HAUS6: variants seen among roughly 807,000 people sequenced by gnomAD.
The protein encoded by HAUS6 is HAUS augmin like complex subunit 6.
HAUS6 carries 80 observed loss-of-function variants against 106.8 expected under a neutral mutation model. The observed-to-expected ratio is 0.75, with a 90% CI of 0.63 to 0.90. The LOEUF is 0.90. HAUS6 is among the 40% of genes least tolerant of loss of function. The probability of loss-of-function intolerance (pLI) is 0.00; values close to 1 mark genes in which losing one functional copy is unlikely to be tolerated. For synonymous variants in HAUS6, 356 were observed against 379.1 expected, an observed-to-expected ratio of 0.94 and a Z score of 0.71; for missense variants, 1,155 against 1,118.1, an observed-to-expected ratio of 1.03 and a Z score of -0.47.
Position 19,058,707 on chromosome 9 carries a change from A to C in HAUS6, c.2060T>G (p.Leu687Ter). Reference protein sequence around the residue: ...EPPTQNQSDLLNKKVICKQDL... With the variant: ...EPPTQNQSDL ...TTGCTTGCAAATTACTTTCTTATTT[A>C]ACAAATCTGACTGATTTTGTGTTGG... The change falls in exon 16 of 17, where the codon TTA (leucine) becomes TGA (stop). Residue 687 changes from leucine to a stop codon, truncating the protein, a stop_gained. Transcript: ENST00000380502. LOFTEE classifies it high-confidence loss of function. 1 of 1,613,882 alleles carries C rather than the reference A, an allele frequency of 6.2e-7. No individual in the cohort carries two copies. The highest frequency in any genetic ancestry group is 8.5e-7 in the Non-Finnish European group (1 of 1,179,838).
intron 4 of HAUS6, among the ~76,000 whole-genome samples, 190 bp downstream of exon 4, chr9:19,092,981 T>C (rs923341981): frequency 6.7e-6 from 1 of 149,570 alleles, no homozygotes; most frequent in Non-Finnish European, 1.5e-5. Context: ...ATAATATAAA[T>C]AGTAACTGTG....
chr9:19,102,393 G>C, intron 1 of HAUS6, 131 bp downstream of exon 1: 2 of 1,003,434 alleles, frequency 2.0e-6, no homozygotes, highest in Non-Finnish European at 2.9e-6. Flanking sequence ...AGGAACTTTG[G>C]AGCCAATGCC....
chr9:19,083,695 G>A (rs35553284), intron 7 of HAUS6, among the ~76,000 whole-genome samples: 12,111 of 151,228 alleles, frequency 0.08, 531 homozygotes, highest in East Asian at 0.1. Flanking sequence ...CCAGCTACTC[G>A]GGAGGCTGAG....
At chr9:19,075,892 G>C (rs1405004573) in intron 11 of HAUS6, among the ~76,000 whole-genome samples, 3 of 151,628 alleles carry the variant, frequency 2.0e-5, no homozygotes, top group African/African-American at 7.3e-5. Flanking sequence ...ACCCAAGGTA[G>C]AGGTTGCAGT....
chr9:19,096,118 A>C lies in HAUS6; in HGVS notation c.224+556T>G, dbSNP rs541865624. 2.0e-4 allele frequency among the ~76,000 whole-genome samples: 31 copies of C among 152,334 alleles called. No homozygotes were observed. In the South Asian group the frequency reaches 6.0e-3, roughly 29 times the overall value. ...TAAATAAAATGTTAAGAAATCTATAAAAACTATATTACTTATAAAATACAC... is the reference window on the plus strand; with the variant it reads ...TAAATAAAATGTTAAGAAATCTATACAAACTATATTACTTATAAAATACAC... On this transcript the variant is annotated intron_variant, in intron 2 of 16. Coordinates refer to ENST00000380502, the MANE Select transcript of HAUS6 (RefSeq NM_017645.5).
chr9:19,070,282 T>A lies in HAUS6; in HGVS notation c.1313A>T (p.Asn438Ile), dbSNP rs1261246743. 6.3e-7 allele frequency: 1 copy of A among 1,581,334 alleles called. No individual in the cohort carries two copies. Among genetic ancestry groups the A allele is most frequent in the Non-Finnish European group, 8.7e-7 (1 of 1,150,544 alleles). ...ASLPDAHKQH[N>I]QENGCRGDSD... is the part of the protein sequence containing the mutation. The stretch of plus-strand genomic sequence containing the variant: ...GTCTCCTCTGCAACCATTTTCTTGG[T>A]TATGTTGCTTATGTGCATCTAAAGA... The change falls in exon 12 of 17, where the codon AAC becomes ATC. Residue 438 changes from asparagine to isoleucine, a missense_variant. Coordinates refer to ENST00000380502, the MANE Select transcript of HAUS6 (RefSeq NM_017645.5).
chr9:19,079,426 TC>T (rs1837088271), intron 9 of HAUS6, among the ~76,000 whole-genome samples: 2 of 151,500 alleles, frequency 1.3e-5, no homozygotes, highest in Non-Finnish European at 2.9e-5. Flanking sequence ...GGACGCAGTT[TC>T]CCCATATTGG....
chr9:19,087,183 C>T (rs1254255604), intron 5 of HAUS6, 27 bp from the exon 6 acceptor site: 7 of 1,228,280 alleles, frequency 5.7e-6, no homozygotes, highest in Non-Finnish European at 8.4e-6. Context: ...AAAATGACAA[C>T]TATAATACCA....
At chr9:19,068,334 G>C (rs903614908) in intron 12 of HAUS6, among the ~76,000 whole-genome samples, 2 of 151,580 alleles carry the variant, frequency 1.3e-5, no homozygotes, top group South Asian at 2.1e-4. Context: ...CTAAAATATG[G>C]TTCTTCCACA....
At chr9:19,094,090 A>G (rs1280200291) in intron 3 of HAUS6, among the ~76,000 whole-genome samples, 1 of 152,246 alleles carries the variant, frequency 6.6e-6, no homozygotes, top group Non-Finnish European at 1.5e-5. Flanking sequence ...ATAAACGCTC[A>G]GGAACTCTAA....
chr9:19,084,635 C>CTTT (rs113235811), intron 7 of HAUS6, among the ~76,000 whole-genome samples: 1 of 138,834 alleles, frequency 7.2e-6, no homozygotes, highest in Non-Finnish European at 1.6e-5. Flanking sequence ...TTTCTTTTTT[C>CTTT]TTTTTTTTTT....
At chr9:19,063,778 A>C (rs1836691210) in intron 12 of HAUS6, 198 bp from the exon 13 acceptor site, 2 of 737,958 alleles carry the variant, frequency 2.7e-6, no homozygotes, top group African/African-American at 1.7e-5. Flanking sequence ...TTTGTGTATC[A>C]GCCTCCCAAT....
intron 3 of HAUS6, 152 bp downstream of exon 3, chr9:19,094,165 A>C: frequency 2.0e-6 from 1 of 510,300 alleles, no homozygotes; most frequent in Non-Finnish European, 3.5e-6. Context: ...ATCCCAACCA[A>C]AAACCATCAA....
intron 8 of HAUS6, among the ~76,000 whole-genome samples, chr9:19,082,215 C>T (rs1837166201): frequency 6.6e-6 from 1 of 152,082 alleles, no homozygotes; most frequent in African/African-American, 2.4e-5. Context: ...CAAGATAAAA[C>T]ACAAACCAGG....
Position 19,094,260 on chromosome 9 carries a change from G to C in HAUS6, c.303+57C>G, listed in dbSNP as rs1213453431. ...GATTTCACCTCTAAAAAGTTAAAGA[G>C]TTAAAGTAGTTTTTAACTTCTTAAA... On this transcript the variant is annotated intron_variant, in intron 3 of 16. Coordinates refer to ENST00000380502, the MANE Select transcript of HAUS6 (RefSeq NM_017645.5). 6.0e-6 allele frequency: 6 copies of C among 993,674 alleles called. No homozygotes were observed. In the East Asian group the frequency reaches 1.2e-4, roughly 20 times the overall value. 61.6% of individuals were successfully genotyped at this position (993,674 alleles called of 1,614,324 possible).
At chr9:19,085,925 T>C (rs1837282707) in intron 7 of HAUS6, among the ~76,000 whole-genome samples, 1 of 152,124 alleles carries the variant, frequency 6.6e-6, no homozygotes, top group African/African-American at 2.4e-5. Context: ...AAGTTCATTT[T>C]TCCATTATAT....
At chr9:19,099,333 ATTT>A (rs774175645) in intron 1 of HAUS6, among the ~76,000 whole-genome samples, 9 of 151,850 alleles carry the variant, frequency 5.9e-5, no homozygotes, top group African/African-American at 2.2e-4. Flanking sequence ...CGCCCGGCTA[ATTT>A]TTTGTATTTT....
At position 19,094,221 on chromosome 9, in the gene HAUS6, T is replaced by G. The variant is rs368581765; in HGVS notation, c.303+96A>C. On this transcript the variant is annotated intron_variant, in intron 3 of 16. Coordinates refer to ENST00000380502, the MANE Select transcript of HAUS6 (RefSeq NM_017645.5). ...ATTTCCTTGCTTATACTGATAGCAT[T>G]AAAGCATTAAAAGGATTTCACCTCT... The G allele has an allele frequency of 1.6e-5, 11 of 689,506 alleles. No individual in the cohort carries two copies. The African/African-American group carries it at 2.0e-4, about 13-fold the overall frequency. The allele number at this position is 689,506 out of a possible 1,614,324, so 42.7% of individuals were successfully genotyped here.
chr9:19,080,538 G>T lies in HAUS6; in HGVS notation c.1005C>A (p.His335Gln), dbSNP rs1346057066. 21 of 1,608,678 alleles carry T rather than the reference G, an allele frequency of 1.3e-5. No homozygotes were observed. The highest frequency in any genetic ancestry group is 1.8e-5 in the Non-Finnish European group (21 of 1,176,804). ...ADQARLTVDL[H>Q]YLEKETKFQK... ...GAAATTTGGTCTCTTTTTCAAGGTA[G>T]TGAAGGTCTACCGTCAATCTTGCTT... Residue 335 changes from histidine (H) to glutamine (Q), a missense_variant, in exon 9 of 17, where the codon CAC becomes CAA. By Grantham distance (24) the His-to-Gln change is conservative. Around this residue, in one of 3 missense-constraint regions of HAUS6, gnomAD observed 761 missense variants for 690.0 expected, o/e 1.10. Coordinates refer to ENST00000380502, the MANE Select transcript of HAUS6 (RefSeq NM_017645.5).
Sources: allele counts gnomAD v4.1 joint callset (sites outside exome capture counted in the v4.1 genomes callset), GRCh38; gene constraint gnomAD v4.1.1; regional missense constraint gnomAD v4.1.1; transcripts MANE v1.5; gene names NCBI Gene and HGNC (gene_info 2026-07-23, HGNC 2026-07-21).